TTC6: variants seen among roughly 807,000 people sequenced by gnomAD.
TTC6 encodes the protein tetratricopeptide repeat protein 6.
A neutral mutation model predicts 210.4 loss-of-function variants in TTC6; 172 were observed. The ratio of observed to expected loss-of-function variants is 0.82; its 90% confidence interval spans 0.72 to 0.93. TTC6 has a LOEUF of 0.93. Ranked by LOEUF, TTC6 falls within the 40% of genes least tolerant of loss-of-function variation. TTC6 has a pLI of 0.00. For synonymous variants in TTC6, 804 were observed against 819.6 expected, an observed-to-expected ratio of 0.98 and a Z score of 0.32; for missense variants, 2,414 against 2,318.1, an observed-to-expected ratio of 1.04 and a Z score of -0.85.
intron 1 of TTC6, among the ~76,000 whole-genome samples, chr14:37,597,177 G>A (rs548368976): frequency 2.6e-5 from 4 of 152,188 alleles, no homozygotes; most frequent in East Asian, 1.9e-4. Context: ...ATGTATCTGC[G>A]AATTGTGTGT....
At chr14:37,682,920 C>A in exon 3 of TTC6, 1 of 1,535,512 alleles carries the variant, frequency 6.5e-7, no homozygotes, top group African/African-American at 1.4e-5. Flanking sequence ...GGAAGATGGA[C>A]AGCCCACAAG....
chr14:37,807,982 G>A (rs914434713), intron 23 of TTC6, among the ~76,000 whole-genome samples: 1 of 151,820 alleles, frequency 6.6e-6, no homozygotes, highest in Admixed American at 6.6e-5. Context: ...CTTTTTGATT[G>A]TTTTTAAAAT....
chr14:37,712,978 G>T (rs1249743370), intron 5 of TTC6, among the ~76,000 whole-genome samples: 2 of 152,184 alleles, frequency 1.3e-5, no homozygotes, highest in Non-Finnish European at 2.9e-5. Context: ...GATTCACAGA[G>T]CATGTTTAAC....
chr14:37,636,582 A>AT (rs397852155), intron 1 of TTC6, among the ~76,000 whole-genome samples: 2 of 151,992 alleles, frequency 1.3e-5, no homozygotes, highest in African/African-American at 4.8e-5. Flanking sequence ...GTAAAAAAAA[A>AT]GTCAAAATTT....
At chr14:37,807,794 T>C (rs2096121853) in intron 23 of TTC6, among the ~76,000 whole-genome samples, 1 of 152,158 alleles carries the variant, frequency 6.6e-6, no homozygotes, top group Non-Finnish European at 1.5e-5. Flanking sequence ...ATTTAGCATA[T>C]TTGTATTCAG....
At chr14:37,681,112 T>A (rs986958455) in intron 2 of TTC6, among the ~76,000 whole-genome samples, 2 of 152,168 alleles carry the variant, frequency 1.3e-5, no homozygotes, top group African/African-American at 4.8e-5. Flanking sequence ...GAGATGGTAC[T>A]AGTAGCCCTT....
chr14:37,653,415 T>G (rs2095716353), intron 1 of TTC6, among the ~76,000 whole-genome samples: 1 of 152,214 alleles, frequency 6.6e-6, no homozygotes, highest in African/African-American at 2.4e-5. Context: ...TATTTGGATG[T>G]TGGGGGTCTG....
chr14:37,747,573 C>T (rs1403410867), intron 10 of TTC6, among the ~76,000 whole-genome samples: 2 of 152,116 alleles, frequency 1.3e-5, no homozygotes, highest in African/African-American at 4.8e-5. Flanking sequence ...TGAGGAGACC[C>T]TTCATGAGGA....
chr14:37,741,919 G>A (rs1341428606), intron 10 of TTC6, among the ~76,000 whole-genome samples: 1 of 152,106 alleles, frequency 6.6e-6, no homozygotes, highest in Non-Finnish European at 1.5e-5. Context: ...CCTCTGCTTT[G>A]GTCTCTGAGC....
chr14:37,658,409 T>G (rs177876), intron 1 of TTC6, among the ~76,000 whole-genome samples: 1 of 152,116 alleles, frequency 6.6e-6, no homozygotes, highest in African/African-American at 2.4e-5. Flanking sequence ...ACATTGGCCA[T>G]TGTTACTTGA....
At chr14:37,680,734 G>A (rs1283614330) in intron 2 of TTC6, among the ~76,000 whole-genome samples, 1 of 152,066 alleles carries the variant, frequency 6.6e-6, no homozygotes, top group Non-Finnish European at 1.5e-5. Context: ...TGGATTCAAA[G>A]CAATCTGGAA....
intron 14 of TTC6, among the ~76,000 whole-genome samples, chr14:37,783,385 C>T (rs2139275482): frequency 6.6e-6 from 1 of 152,120 alleles, no homozygotes; most frequent in East Asian, 1.9e-4. Context: ...AGGAATTTAT[C>T]CAATTCTTCT....
chr14:37,749,859 A>C lies in TTC6; in HGVS notation c.2956+16A>C. 1 of 1,333,324 alleles carries C rather than the reference A, an allele frequency of 7.5e-7. No individual in the cohort carries two copies. Among genetic ancestry groups the C allele is most frequent in the Non-Finnish European group, 9.6e-7 (1 of 1,037,840 alleles). 82.6% of individuals were successfully genotyped at this position (1,333,324 alleles called of 1,614,324 possible). A position where few individuals can be genotyped will look rare whatever the true frequency, so the allele number is the denominator to read the frequency against. Reference sequence around the variant, plus strand: ...AATAATACAGGTGGGTTGTCTGTAGAGACAGTTATATTACCTACATTTTGA... The same window carrying C: ...AATAATACAGGTGGGTTGTCTGTAGCGACAGTTATATTACCTACATTTTGA... On this transcript the variant is annotated intron_variant, in intron 12 of 30. Transcript: ENST00000553443.
At chr14:37,731,614 T>A (rs2095886462) in intron 7 of TTC6, among the ~76,000 whole-genome samples, 1 of 152,206 alleles carries the variant, frequency 6.6e-6, no homozygotes, top group Non-Finnish European at 1.5e-5. Flanking sequence ...ATTAGATGCA[T>A]ACAAATGAAG....
chr14:37,830,349 C>G (rs2096181789), intron 29 of TTC6, among the ~76,000 whole-genome samples: 1 of 151,938 alleles, frequency 6.6e-6, no homozygotes, highest in Admixed American at 6.6e-5. Flanking sequence ...ATCAAGTACA[C>G]AGTATATGTT....
At chr14:37,813,710 C>T (rs1432779316) in intron 25 of TTC6, among the ~76,000 whole-genome samples, 7 of 152,094 alleles carry the variant, frequency 4.6e-5, no homozygotes, top group East Asian at 3.9e-4. Context: ...TCAGGCAAAG[C>T]GCTGGCGTTA....
At chr14:37,710,686 T>C (rs2095843211) in intron 5 of TTC6, among the ~76,000 whole-genome samples, 1 of 152,256 alleles carries the variant, frequency 6.6e-6, no homozygotes, top group African/African-American at 2.4e-5. Context: ...AGAGGAAACA[T>C]AGCACAGTGA....
At chr14:37,649,387 G>A (rs1184218119) in intron 1 of TTC6, among the ~76,000 whole-genome samples, 1 of 151,982 alleles carries the variant, frequency 6.6e-6, no homozygotes, top group Non-Finnish European at 1.5e-5. Flanking sequence ...CTTAGCCCTG[G>A]GGAGCTGGGT....
chr14:37,688,049 T>C (rs12385903), intron 3 of TTC6, among the ~76,000 whole-genome samples: 151,632 of 152,210 alleles, frequency 1, 75,535 homozygotes, highest in Middle Eastern at 1. Context: ...CTGCCCTAGG[T>C]CAGAGGGAAG....
Sources: gnomAD v4.1 joint callset for allele counts (sites outside exome capture counted in the v4.1 genomes callset) on GRCh38, gnomAD v4.1.1 for gene constraint, MANE v1.5 for transcripts, NCBI Gene and HGNC (gene_info 2026-07-23, HGNC 2026-07-21) for gene names.